Variants in TEX48 observed in about 807,000 individuals in gnomAD.
The protein encoded by TEX48 is testis expressed 48, also known as testis-expressed protein 48.
A neutral mutation model predicts 13.2 loss-of-function variants in TEX48; 10 were observed. That is an observed-to-expected ratio of 0.75 (90% CI 0.47 to 1.28). The LOEUF is 1.28. Ranked by LOEUF, TEX48 falls within the 50% of genes most tolerant of loss-of-function variation. The pLI, the probability that TEX48 is intolerant of heterozygous loss-of-function variation, is 0.00. For synonymous variants in TEX48, 45 were observed against 52.3 expected, an observed-to-expected ratio of 0.86 and a Z score of 0.60; for missense variants, 116 against 139.4, an observed-to-expected ratio of 0.83 and a Z score of 0.84.
At chr9:114,678,838 C>CAAAAAAA (rs34355690) in intron 1 of TEX48, among the ~76,000 whole-genome samples, 13 of 70,766 alleles carry the variant, frequency 1.8e-4, no homozygotes, top group African/African-American at 6.0e-4. Flanking sequence ...GATCCTGACT[C>CAAAAAAA]AAAAAAAAAA....
intron 1 of TEX48, among the ~76,000 whole-genome samples, chr9:114,678,825 G>A (rs971145373): frequency 2.8e-5 from 4 of 141,528 alleles, no homozygotes; most frequent in African/African-American, 1.1e-4. Flanking sequence ...CCAGGCAACA[G>A]GAGATCCTGA....
At position 114,678,778 on chromosome 9, in the gene TEX48, A is replaced by G. The variant is rs144918112; in HGVS notation, c.-105+3257T>C. 8.3e-4 allele frequency among the ~76,000 whole-genome samples: 125 copies of G among 150,266 alleles called. 1 individual carries two copies. The highest frequency in any genetic ancestry group is 3.0e-3 in the African/African-American group (121 of 40,554). On this transcript the variant is annotated intron_variant, in intron 1 of 4. Coordinates refer to ENST00000436752, the MANE Select transcript of TEX48 (RefSeq NM_001199233.2). ...TATTGCTTGAATTTGAGAAATCAAG[A>G]CTTCAGTGAGCTATAATCATGCCAC...
intron 4 of TEX48, 31 bp downstream of exon 4, chr9:114,668,175 G>T (rs1827877166): frequency 1.3e-6 from 2 of 1,534,550 alleles, no homozygotes; most frequent in African/African-American, 1.4e-5. Context: ...GGAGTTTCTG[G>T]TCAGTGTTAG....
At chr9:114,672,409 C>G (rs572985710) in intron 1 of TEX48, among the ~76,000 whole-genome samples, 2 of 152,168 alleles carry the variant, frequency 1.3e-5, no homozygotes, top group Non-Finnish European at 2.9e-5. Flanking sequence ...TCCCAGATCC[C>G]TTTATTTGTG....
intron 1 of TEX48, among the ~76,000 whole-genome samples, chr9:114,673,481 AAAAG>A (rs1440638201): frequency 3.8e-4 from 54 of 143,984 alleles, no homozygotes; most frequent in African/African-American, 1.2e-3. Context: ...CAAAAAAAAA[AAAAG>A]AAAAGAAAAG....
intron 2 of TEX48, 67 bp downstream of exon 2, chr9:114,671,653 G>C: frequency 1.3e-6 from 2 of 1,534,234 alleles, no homozygotes. Flanking sequence ...ATCTTCTGTA[G>C]CTTCCCATGG....
intron 1 of TEX48, among the ~76,000 whole-genome samples, chr9:114,679,677 C>T (rs145257630): frequency 6.6e-6 from 1 of 152,296 alleles, no homozygotes; most frequent in Non-Finnish European, 1.5e-5. Flanking sequence ...TTCTCCAGCA[C>T]CCACGGTGGA....
At chr9:114,680,121 C>CTTTT (rs1222465975) in intron 1 of TEX48, among the ~76,000 whole-genome samples, 8 of 44,594 alleles carry the variant, frequency 1.8e-4, no homozygotes, top group African/African-American at 5.0e-4. Context: ...GTCATTGTCC[C>CTTTT]TTTTTTTTTT....
chr9:114,680,648 C>A (rs1044582823), intron 1 of TEX48, among the ~76,000 whole-genome samples: 10 of 152,154 alleles, frequency 6.6e-5, no homozygotes, highest in Non-Finnish European at 1.5e-4. Flanking sequence ...TCTGGACAAT[C>A]TTGGAGGGTC....
At chr9:114,671,621 T>C (rs2133759420) in intron 2 of TEX48, 99 bp downstream of exon 2, 2 of 1,528,228 alleles carry the variant, frequency 1.3e-6, no homozygotes, top group Middle Eastern at 1.7e-4. Flanking sequence ...GGCATTAATA[T>C]AATACTCCTC....
chr9:114,675,541 C>T (rs1243581337), intron 1 of TEX48, among the ~76,000 whole-genome samples: 3 of 152,186 alleles, frequency 2.0e-5, no homozygotes, highest in Non-Finnish European at 4.4e-5. Flanking sequence ...TCTGTCTGCC[C>T]AGCCAATCCT....
At chr9:114,678,748 G>T (rs1254055607) in intron 1 of TEX48, among the ~76,000 whole-genome samples, 1 of 150,680 alleles carries the variant, frequency 6.6e-6, no homozygotes, top group Non-Finnish European at 1.5e-5. Flanking sequence ...AGGCTGAGGA[G>T]AGAGTATTGC....
chr9:114,680,115 T>G (rs1026259012), intron 1 of TEX48, among the ~76,000 whole-genome samples: 2 of 141,588 alleles, frequency 1.4e-5, no homozygotes, highest in Admixed American at 7.6e-5. Context: ...TTAATTGTCA[T>G]TGTCCCTTTT....
At chr9:114,681,412 TG>T in intron 1 of TEX48, among the ~76,000 whole-genome samples, 1 of 152,314 alleles carries the variant, frequency 6.6e-6, no homozygotes, top group Admixed American at 6.5e-5. Flanking sequence ...GCACATTCTC[TG>T]GGGGTATAAT....
chr9:114,671,425 T>A lies in TEX48; in HGVS notation c.85A>T (p.Lys29Ter), dbSNP rs2133759176. The A allele has an allele frequency of 6.5e-7, 1 of 1,535,556 alleles. No individual in the cohort carries two copies. Among genetic ancestry groups the A allele is most frequent in the East Asian group, 2.4e-5 (1 of 40,910 alleles). Residue 29 changes from lysine (K) to a stop codon, truncating the protein, a stop_gained, in exon 3 of 5, where the codon AAG (lysine) becomes TAG (stop). Coordinates refer to ENST00000436752, the MANE Select transcript of TEX48 (RefSeq NM_001199233.2). LOFTEE classifies it high-confidence loss of function. ...TGCTCCTGGGTTTGACTGGGAACCT[T>A]GGAGTCATTGATGGCATAGGGCTCC... The part of the protein sequence containing the change: ...CQEPYAINDS[K>*]VPSQTQEHKP...
At chr9:114,676,374 T>C (rs1490975422) in intron 1 of TEX48, among the ~76,000 whole-genome samples, 1 of 152,024 alleles carries the variant, frequency 6.6e-6, no homozygotes, top group Admixed American at 6.5e-5. Context: ...TTTTGCCGTA[T>C]TGCCCAGGCT....
chr9:114,668,167 A>T (rs892230593), intron 4 of TEX48, 39 bp downstream of exon 4: 52 of 1,533,878 alleles, frequency 3.4e-5, no homozygotes, highest in Non-Finnish European at 4.5e-5. Flanking sequence ...CCTGTCTGGG[A>T]GTTTCTGGTC....
At chr9:114,678,408 CTG>C (rs1274071460) in intron 1 of TEX48, among the ~76,000 whole-genome samples, 1 of 152,204 alleles carries the variant, frequency 6.6e-6, no homozygotes, top group Non-Finnish European at 1.5e-5. Context: ...AATTTAAACT[CTG>C]AGTAAGAGTT....
In TEX48 at chr9:114,668,200, ACTCACC is replaced by A. The variant is rs1262376253; in HGVS notation, c.259_259+5del. Reference sequence around the variant, plus strand: ...GTCAGTGTTAGGACCCCAATTTGGGACTCACCCTCAAACTCACTGCTGCTGGAGGAA... The same window carrying A: ...GTCAGTGTTAGGACCCCAATTTGGGACTCAAACTCACTGCTGCTGGAGGAA... On this transcript the variant is annotated splice_donor_variant and splice_donor_5th_base_variant and coding_sequence_variant and intron_variant, in exon 4 of 5. Transcript: ENST00000436752. LOFTEE classifies it high-confidence loss of function. The A allele has an allele frequency of 2.0e-6, 3 of 1,535,342 alleles. No homozygotes were observed. In the African/African-American group the frequency reaches 4.1e-5, roughly 21 times the overall value.
Sources: gnomAD v4.1 joint callset for allele counts (sites outside exome capture counted in the v4.1 genomes callset) on GRCh38, gnomAD v4.1.1 for gene constraint, MANE v1.5 for transcripts, NCBI Gene and HGNC (gene_info 2026-07-23, HGNC 2026-07-21) for gene names.